The following MDN1 variants were observed in gnomAD, a reference collection of about 807,000 sequenced individuals.
MDN1 encodes the protein midasin.
In MDN1, 266 loss-of-function variants were observed where a neutral mutation model predicts 669.2. The observed-to-expected ratio is 0.40, with a 90% CI of 0.36 to 0.44. The LOEUF (loss-of-function observed/expected upper bound fraction) is 0.44. MDN1 is among the 20% of genes least tolerant of loss of function. The pLI is 1.00. For synonymous variants in MDN1, 2,385 were observed against 2,457.1 expected, an observed-to-expected ratio of 0.97 and a Z score of 0.87; for missense variants, 5,940 against 6,754.0, an observed-to-expected ratio of 0.88 and a Z score of 4.22.
chr6:89,663,091 G>T, intron 85 of MDN1, 124 bp from the exon 86 acceptor site: 1 of 1,033,614 alleles, frequency 9.7e-7, no homozygotes, highest in Non-Finnish European at 1.4e-6. Context: ...TTTTTCTACA[G>T]AACACACCCT....
At chr6:89,810,794 T>C (rs1326946042) in intron 1 of MDN1, among the ~76,000 whole-genome samples, 1 of 152,134 alleles carries the variant, frequency 6.6e-6, no homozygotes, top group Non-Finnish European at 1.5e-5. Flanking sequence ...GGTCGGGAGT[T>C]AGAGACCAGC....
intron 58 of MDN1, among the ~76,000 whole-genome samples, chr6:89,699,342 G>A (rs1171987798): frequency 6.6e-6 from 1 of 152,158 alleles, no homozygotes; most frequent in Admixed American, 6.5e-5. Flanking sequence ...GAGCAATTGG[G>A]AGATTTTAAG....
chr6:89,720,868 A>G (rs1814771200), intron 40 of MDN1, among the ~76,000 whole-genome samples: 1 of 152,148 alleles, frequency 6.6e-6, no homozygotes. Flanking sequence ...ACAGTGGCTC[A>G]CTCCATTTGT....
At chr6:89,780,136 A>G in intron 11 of MDN1, 76 bp downstream of exon 11, 1 of 833,822 alleles carries the variant, frequency 1.2e-6, no homozygotes, top group Non-Finnish European at 1.9e-6. Context: ...GATGGCAATC[A>G]AAAGACAGAA....
chr6:89,697,351 G>C (rs1421022696), intron 59 of MDN1, among the ~76,000 whole-genome samples: 1 of 152,080 alleles, frequency 6.6e-6, no homozygotes, highest in Non-Finnish European at 1.5e-5. Flanking sequence ...AAATAGTTTT[G>C]AACTCGAAGT....
chr6:89,664,347 G>A, intron 85 of MDN1, 140 bp downstream of exon 85: 2 of 960,044 alleles, frequency 2.1e-6, no homozygotes, highest in Admixed American at 4.6e-5. Context: ...TGCAGCTGCT[G>A]AGGTTTTCAT....
intron 27 of MDN1, 141 bp downstream of exon 27, chr6:89,747,188 G>T: frequency 1.1e-6 from 1 of 943,982 alleles, no homozygotes; most frequent in Non-Finnish European, 1.5e-6. Flanking sequence ...TACAAAAGCT[G>T]TTAGAACTGG....
At chr6:89,685,070 G>T in intron 70 of MDN1, 85 bp from the exon 71 acceptor site, 2 of 815,788 alleles carry the variant, frequency 2.5e-6, no homozygotes, top group Non-Finnish European at 4.0e-6. Context: ...TTTCAGTGAT[G>T]ACCCTTCCTC....
intron 25 of MDN1, 64 bp downstream of exon 25, chr6:89,749,479 T>G (rs1367302271): frequency 6.3e-7 from 1 of 1,596,164 alleles, no homozygotes; most frequent in Admixed American, 1.7e-5. Context: ...ATTTCATTCT[T>G]ACTACGAAAA....
At chr6:89,787,801 G>T in intron 8 of MDN1, 53 bp downstream of exon 8, 1 of 1,385,332 alleles carries the variant, frequency 7.2e-7, no homozygotes, top group South Asian at 1.2e-5. Flanking sequence ...TCAGCATGCA[G>T]ACTTACGAGT....
Position 89,696,563 on chromosome 6 carries a change from A to G in MDN1, c.9180T>C (p.Asn3060=), listed in dbSNP as rs1812754678. The G allele has an allele frequency of 2.5e-6, 4 of 1,613,748 alleles. No homozygotes were observed. In the South Asian group the frequency reaches 3.3e-5, roughly 13 times the overall value. The part of the protein sequence containing the change: ...VLDSTLKGPG[N]LNRPIFSKCC... ...ACTTAGAGAATATGGGTCTATTGAGATTGCCGGGGCCCTAAAGGACAAGAG... is the reference window on the plus strand; with the variant it reads ...ACTTAGAGAATATGGGTCTATTGAGGTTGCCGGGGCCCTAAAGGACAAGAG... The change falls in exon 60 of 102, where the codon AAT becomes AAC. Residue 3060 remains asparagine (N), a synonymous_variant. Coordinates refer to ENST00000369393, the MANE Select transcript of MDN1 (RefSeq NM_014611.3).
chr6:89,770,170 C>T (rs919318194), intron 15 of MDN1, among the ~76,000 whole-genome samples: 35 of 151,894 alleles, frequency 2.3e-4, no homozygotes, highest in African/African-American at 8.2e-4. Flanking sequence ...ATTTGGGAGG[C>T]CGAGGTAGGT....
chr6:89,695,507 T>G lies in MDN1; in HGVS notation c.9771+98A>C. On this transcript the variant is annotated intron_variant, in intron 61 of 101. Coordinates refer to ENST00000369393, the MANE Select transcript of MDN1 (RefSeq NM_014611.3). The surrounding 1 kb of genome is among the most constrained non-coding windows in gnomAD (Gnocchi z 4.1). The stretch of plus-strand genomic sequence containing the variant: ...AACTTATGCAATATCATGCTTGTGA[T>G]GATCTGAGCACCCAAAAGGGAATAA... 7.7e-6 allele frequency: 11 copies of G among 1,432,238 alleles called. No individual in the cohort carries two copies. The highest frequency in any genetic ancestry group is 9.4e-6 in the Non-Finnish European group (10 of 1,059,454). 88.7% of individuals were successfully genotyped at this position (1,432,238 alleles called of 1,614,324 possible).
At chr6:89,680,122 T>C (rs1329566730) in intron 74 of MDN1, among the ~76,000 whole-genome samples, 1 of 152,232 alleles carries the variant, frequency 6.6e-6, no homozygotes, top group Non-Finnish European at 1.5e-5. Context: ...CAGCTATTGC[T>C]GTGTTACACT....
intron 84 of MDN1, among the ~76,000 whole-genome samples, chr6:89,667,192 T>TC (rs1281363044): frequency 1.3e-5 from 2 of 152,232 alleles, no homozygotes; most frequent in South Asian, 2.1e-4. Context: ...ACTTTTTTTT[T>TC]CTACTAGAAA....
At chr6:89,667,760 C>T (rs1346956578) in intron 84 of MDN1, among the ~76,000 whole-genome samples, 1 of 151,654 alleles carries the variant, frequency 6.6e-6, no homozygotes, top group Non-Finnish European at 1.5e-5. Context: ...AAATATCTGC[C>T]CATTTAAAAA....
intron 99 of MDN1, among the ~76,000 whole-genome samples, chr6:89,646,816 G>A (rs1808519123): frequency 6.6e-6 from 1 of 152,108 alleles, no homozygotes; most frequent in Admixed American, 6.6e-5. Flanking sequence ...TATTTTTTGA[G>A]AGAGGGTCTC....
At chr6:89,670,170 A>ATATATATTT (rs1444537561) in intron 83 of MDN1, among the ~76,000 whole-genome samples, 6 of 23,412 alleles carry the variant, frequency 2.6e-4, no homozygotes, top group Non-Finnish European at 3.0e-4. Flanking sequence ...ATATATATAT[A>ATATATATTT]TTTTTTTTTT....
Position 89,683,207 on chromosome 6 carries a change from T to G in MDN1, c.12027A>C (p.Ala4009=). 6.2e-7 allele frequency: 1 copy of G among 1,614,138 alleles called. No individual in the cohort carries two copies. The highest frequency in any genetic ancestry group is 1.1e-5 in the South Asian group (1 of 91,084). The change falls in exon 73 of 102, where the codon GCA becomes GCC. Residue 4009 remains alanine, a synonymous_variant. Transcript: ENST00000369393. ...DFLPRPTDGA[A]SELSSIQNLN... The stretch of plus-strand genomic sequence containing the variant: ...GATTCTGAATGGAAGACAGTTCACT[T>G]GCAGCTCCATCTGTTGGCCTGGGCA...
Sources: gnomAD v4.1 joint callset for allele counts (sites outside exome capture counted in the v4.1 genomes callset) on GRCh38, gnomAD v4.1.1 for gene constraint, Gnocchi (gnomAD v3.1) non-coding constraint, MANE v1.5 for transcripts, NCBI Gene and HGNC (gene_info 2026-07-23, HGNC 2026-07-21) for gene names.